Variants in PPFIBP2 observed in about 807,000 individuals in gnomAD.
PPFIBP2 encodes liprin-beta-2.
Under a neutral mutation model 118.3 loss-of-function variants are expected in PPFIBP2, and 118 were observed. That is an observed-to-expected ratio of 1.00 (90% CI 0.86 to 1.16). The LOEUF (loss-of-function observed/expected upper bound fraction) is 1.16. PPFIBP2 is among the 50% of genes most tolerant of loss of function. PPFIBP2 has a pLI of 0.00. For missense variants in PPFIBP2, 1,195 were observed against 1,073.1 expected, an observed-to-expected ratio of 1.11 and a Z score of -1.59; for synonymous variants, 414 against 397.4, an observed-to-expected ratio of 1.04 and a Z score of -0.50.
intron 1 of PPFIBP2, among the ~76,000 whole-genome samples, chr11:7,520,455 A>G (rs934732266): frequency 6.6e-6 from 1 of 150,846 alleles, no homozygotes; most frequent in Non-Finnish European, 1.5e-5. Context: ...AACCTTTCAG[A>G]CCCCAGGGAG....
rs1185827566 is a variant in PPFIBP2 at position 7,634,490 on chromosome 11, T to C, written c.1137-5T>C. Reference sequence around the variant, plus strand: ...AACTATTTCTTTCTTTTGTGTTTTTTTCAGGGCTCAGAAAAAGCTCTCTTG... The same window carrying C: ...AACTATTTCTTTCTTTTGTGTTTTTCTCAGGGCTCAGAAAAAGCTCTCTTG... On this transcript the variant is annotated splice_region_variant and splice_polypyrimidine_tract_variant and intron_variant, in intron 12 of 23. Transcript: ENST00000299492. The C allele has an allele frequency of 3.7e-6, 6 of 1,608,760 alleles. No homozygotes were observed. The African/African-American group carries it at 5.3e-5, about 14-fold the overall frequency.
intron 3 of PPFIBP2, among the ~76,000 whole-genome samples, chr11:7,578,368 G>A (rs1856765962): frequency 6.6e-6 from 1 of 152,180 alleles, no homozygotes; most frequent in South Asian, 2.1e-4. Context: ...AGGCAGGAAG[G>A]GCAAAAGCAG....
intron 2 of PPFIBP2, among the ~76,000 whole-genome samples, chr11:7,552,996 T>C (rs1189196532): frequency 2.6e-5 from 4 of 152,216 alleles, no homozygotes; most frequent in African/African-American, 9.6e-5. Context: ...TCTGCCACTG[T>C]ATCTCCAGTG....
Position 7,650,964 on chromosome 11 carries a change from T to C in PPFIBP2, c.2246T>C (p.Ile749Thr), listed in dbSNP as rs147381115. The change falls in exon 22 of 24, where the codon ATT becomes ACT. Residue 749 changes from isoleucine (I) to threonine (T), a missense_variant and splice_region_variant. Transcript: ENST00000299492. ...GGGAGTGGAGTCCATGGAGGCCTCA[T>C]TGTGAGTGGCTCTCTGGCCTAGCCC... ...LRGSGVHGGL[I>T]ILEPRFTGDT... The C allele has an allele frequency of 9.7e-5, 157 of 1,612,886 alleles. 6 individuals are homozygous for C. Among genetic ancestry groups the C allele is most frequent in the Admixed American group, 1.3e-4 (8 of 59,974 alleles).
intron 5 of PPFIBP2, among the ~76,000 whole-genome samples, chr11:7,603,148 T>TA (rs1846880721): frequency 6.6e-6 from 1 of 152,184 alleles, no homozygotes; most frequent in Admixed American, 6.5e-5. Context: ...AACACAAATC[T>TA]GTCTGAGGTG....
At chr11:7,665,799 C>A in the PPFIBP2 span, 1 of 1,501,718 alleles carries the variant, frequency 6.7e-7, no homozygotes, top group Non-Finnish European at 8.9e-7. Context: ...TCAGCATTGA[C>A]GAGGAAGGAG....
intron 3 of PPFIBP2, 143 bp downstream of exon 3, chr11:7,565,910 G>A (rs78073354): frequency 0.034 from 29,978 of 878,856 alleles, 1,128 homozygotes; most frequent in East Asian, 0.13. Context: ...ACGCTGCAGG[G>A]TGGCCCTTCT....
chr11:7,565,846 G>T, intron 3 of PPFIBP2, 79 bp downstream of exon 3: 2 of 1,471,768 alleles, frequency 1.4e-6, no homozygotes, highest in African/African-American at 1.4e-5. Flanking sequence ...GCTGACTGGG[G>T]CTGTTGAGTC....
At chr11:7,640,115 C>T (rs887439725) in intron 15 of PPFIBP2, among the ~76,000 whole-genome samples, 1 of 151,974 alleles carries the variant, frequency 6.6e-6, no homozygotes, top group South Asian at 2.1e-4. Context: ...TACTTCTTTT[C>T]GGCTGCAGCT....
intron 17 of PPFIBP2, among the ~76,000 whole-genome samples, chr11:7,644,471 C>T (rs566448231): frequency 4.7e-4 from 71 of 152,288 alleles, no homozygotes; most frequent in African/African-American, 1.6e-3. Context: ...CCCACCTTTG[C>T]GGAGTGTTTT....
intron 10 of PPFIBP2, 71 bp from the exon 11 acceptor site, chr11:7,630,854 A>C (rs1441329492): frequency 9.2e-7 from 1 of 1,083,668 alleles, no homozygotes; most frequent in African/African-American, 1.6e-5. Flanking sequence ...CAATGTTAGA[A>C]TTTTGTGGTA....
intron 2 of PPFIBP2, among the ~76,000 whole-genome samples, chr11:7,562,932 TATATATATATATATATATATATATATA>T (rs1854474352): frequency 2.8e-4 from 1 of 3,628 alleles, no homozygotes; most frequent in African/African-American, 1.5e-3. Flanking sequence ...TAAAGTTTTA[TATATATATATATATATATATATATATA>T]TATATATATA....
intron 1 of PPFIBP2, among the ~76,000 whole-genome samples, chr11:7,522,744 G>A (rs1849873133): frequency 6.6e-6 from 1 of 152,208 alleles, no homozygotes; most frequent in Non-Finnish European, 1.5e-5. Flanking sequence ...GAAGGCTCAT[G>A]AGGCCTCCTT....
chr11:7,580,530 G>A (rs888206080), intron 3 of PPFIBP2, among the ~76,000 whole-genome samples: 5 of 152,176 alleles, frequency 3.3e-5, no homozygotes, highest in Non-Finnish European at 5.9e-5. Flanking sequence ...TGTTCAGAGA[G>A]GCATGGAGCT....
intron 6 of PPFIBP2, among the ~76,000 whole-genome samples, chr11:7,613,242 A>G (rs545729135): frequency 6.6e-6 from 1 of 152,360 alleles, no homozygotes; most frequent in Admixed American, 6.5e-5. Context: ...GTCACTAGAA[A>G]TTAGTCTCAG....
chr11:7,572,875 G>A (rs1367078483), intron 3 of PPFIBP2, among the ~76,000 whole-genome samples: 1 of 152,212 alleles, frequency 6.6e-6, no homozygotes, highest in Non-Finnish European at 1.5e-5. Flanking sequence ...CACCTCCCAG[G>A]TTCAAGCAAT....
intron 2 of PPFIBP2, among the ~76,000 whole-genome samples, chr11:7,558,768 A>G (rs1208618068): frequency 6.6e-6 from 1 of 151,782 alleles, no homozygotes; most frequent in African/African-American, 2.4e-5. Flanking sequence ...AAAAAAAAAG[A>G]AAGAAAAAAA....
rs974138390 is a variant in PPFIBP2, at chr11:7,625,863, T to C, written c.798T>C (p.Ala266=). 2 of 1,614,178 alleles carry C rather than the reference T, an allele frequency of 1.2e-6. No individual in the cohort carries two copies. Among genetic ancestry groups the C allele is most frequent in the Non-Finnish European group, 1.7e-6 (2 of 1,180,016 alleles). The change falls in exon 8 of 24, where the codon GCT becomes GCC. Residue 266 remains alanine (A), a synonymous_variant. Transcript: ENST00000299492. ...ACAGCCAGCTCTCCCGGACAGCAGC[T>C]CTCCACAGTGAGAGTCACACAGAGA... ...RLHSQLSRTA[A]LHSESHTERD... is the part of the protein sequence containing the mutation.
intron 7 of PPFIBP2, among the ~76,000 whole-genome samples, chr11:7,621,443 G>A (rs571450995): frequency 6.6e-6 from 1 of 152,214 alleles, no homozygotes; most frequent in East Asian, 1.9e-4. Context: ...TTTATATTTG[G>A]CACAAAATAT....
Sources: allele counts gnomAD v4.1 joint callset (sites outside exome capture counted in the v4.1 genomes callset), GRCh38; gene constraint gnomAD v4.1.1; transcripts MANE v1.5; gene names NCBI Gene and HGNC (gene_info 2026-07-23, HGNC 2026-07-21).